The following RIC8B variants were observed in gnomAD, a reference collection of about 807,000 sequenced individuals.
RIC8B encodes chaperone Ric-8B.
Under a neutral mutation model 57.5 loss-of-function variants are expected in RIC8B, and 16 were observed. The ratio of observed to expected loss-of-function variants is 0.28; its 90% CI spans 0.19 to 0.42. The LOEUF (loss-of-function observed/expected upper bound fraction) is 0.42, where lower values mean the gene tolerates loss of function less well. Among genes scored for constraint, RIC8B ranks in the 10% least tolerant of loss-of-function variants. The probability of loss-of-function intolerance (pLI) is 1.00; values close to 1 mark genes in which losing one functional copy is unlikely to be tolerated. For missense variants in RIC8B, 481 were observed against 677.0 expected, an observed-to-expected ratio of 0.71 and a Z score of 3.21; for synonymous variants, 216 against 250.8, an observed-to-expected ratio of 0.86 and a Z score of 1.31.
At chr12:106,774,986 C>G (rs1746936422) in intron 1 of RIC8B, 157 bp downstream of exon 1, 2 of 613,432 alleles carry the variant, frequency 3.3e-6, no homozygotes, top group Non-Finnish European at 5.9e-6. Context: ...TGCCCCCAGC[C>G]TTTTCCATCC....
At chr12:106,792,812 A>T (rs2044315040) in intron 2 of RIC8B, among the ~76,000 whole-genome samples, 1 of 152,108 alleles carries the variant, frequency 6.6e-6, no homozygotes, top group South Asian at 2.1e-4. Flanking sequence ...TCTAAGGAAA[A>T]AAAGCAAGGA....
At position 106,800,280 on chromosome 12, in the gene RIC8B, G is replaced by A. The variant is rs554578916; in HGVS notation, c.133-14416G>A. Among the ~76,000 whole-genome samples the A allele has an allele frequency of 5.3e-5, 8 of 152,262 alleles. No individual in the cohort carries two copies. In the South Asian group the frequency reaches 1.7e-3, roughly 32 times the overall value. On this transcript the variant is annotated intron_variant, in intron 2 of 9. Transcript: ENST00000392837. Reference sequence around the variant, plus strand: ...AGGAAGCAAGGCAGCATCTTTCCGGGGAAGCCTCAGGAAGCTTTTACTCAT... The same window carrying A: ...AGGAAGCAAGGCAGCATCTTTCCGGAGAAGCCTCAGGAAGCTTTTACTCAT...
chr12:106,885,788 C>T lies in RIC8B; in HGVS notation c.1572-116C>T, dbSNP rs1285934843. On this transcript the variant is annotated intron_variant, in intron 9 of 9. Transcript: ENST00000392837. ...CACAGAGAAAGCTCAAGGGAAAATA[C>T]TTTGGTTTTTAAAGACTTTTCTTTT... The T allele has an allele frequency of 4.2e-5, 23 of 554,004 alleles. No individual in the cohort carries two copies. In the South Asian group the frequency reaches 4.8e-4, roughly 12 times the overall value. The allele number at this position is 554,004 out of a possible 1,614,324, so 34.3% of individuals were successfully genotyped here.
At chr12:106,792,030 G>A (rs1252473054) in intron 2 of RIC8B, among the ~76,000 whole-genome samples, 1 of 152,176 alleles carries the variant, frequency 6.6e-6, no homozygotes, top group African/African-American at 2.4e-5. Flanking sequence ...GTCTTTGCTT[G>A]AGGGAATGTT....
intron 4 of RIC8B, among the ~76,000 whole-genome samples, chr12:106,842,326 G>A (rs138228267): frequency 3.9e-5 from 6 of 152,244 alleles, no homozygotes; most frequent in African/African-American, 1.2e-4. Context: ...TCCTATTTTA[G>A]CATTTCAGAA....
At chr12:106,822,325 G>A (rs2045893841) in intron 3 of RIC8B, 1 of 152,148 alleles carries the variant, frequency 6.6e-6, no homozygotes, top group Admixed American at 6.5e-5. Flanking sequence ...GTATAAATTG[G>A]TATAAGTACT....
chr12:106,830,708 A>G (rs1403841483), intron 4 of RIC8B, among the ~76,000 whole-genome samples: 1 of 152,196 alleles, frequency 6.6e-6, no homozygotes, highest in Admixed American at 6.5e-5. Context: ...CTGGAGGAAC[A>G]TGGAGACTAA....
intron 2 of RIC8B, among the ~76,000 whole-genome samples, chr12:106,801,912 G>A (rs2044750671): frequency 6.6e-6 from 1 of 152,110 alleles, no homozygotes; most frequent in Admixed American, 6.5e-5. Flanking sequence ...TGTACCTCTT[G>A]TTCCCCCCTA....
At chr12:106,844,326 C>T (rs1949089313) in intron 6 of RIC8B, among the ~76,000 whole-genome samples, 1 of 152,188 alleles carries the variant, frequency 6.6e-6, no homozygotes, top group African/African-American at 2.4e-5. Context: ...GGGAGGACCT[C>T]TCTGAGATGA....
chr12:106,821,598 C>A (rs902121401), intron 3 of RIC8B, among the ~76,000 whole-genome samples: 2 of 152,032 alleles, frequency 1.3e-5, no homozygotes, highest in African/African-American at 4.8e-5. Context: ...ATTTCTAAAA[C>A]AGGGCAAAAT....
chr12:106,814,893 G>A lies in RIC8B; in HGVS notation c.330G>A (p.Glu110=). 2 of 1,614,160 alleles carry A rather than the reference G, an allele frequency of 1.2e-6. No homozygotes were observed. Among genetic ancestry groups the A allele is most frequent in the Non-Finnish European group, 1.7e-6 (2 of 1,180,000 alleles). The change falls in exon 3 of 10, where the codon GAG becomes GAA. Residue 110 remains glutamate, a synonymous_variant. Transcript: ENST00000392837. ...ELDDSLEKVS[E]FPVIVESLKC... ...ATGATTCTTTGGAGAAAGTATCAGAGTTCCCAGTTATTGTGGAGTCATTAA... is the reference window on the plus strand; with the variant it reads ...ATGATTCTTTGGAGAAAGTATCAGAATTCCCAGTTATTGTGGAGTCATTAA...
rs554857399 is a variant in RIC8B at position 106,796,060 on chromosome 12, T to G, written c.132+12016T>G. On this transcript the variant is annotated intron_variant, in intron 2 of 9. Coordinates refer to ENST00000392837, the MANE Select transcript of RIC8B (RefSeq NM_001330145.2). The stretch of plus-strand genomic sequence containing the variant: ...CATGGATTAGAAGACTTACTATTGC[T>G]AAAATGTCAGTACTCCTCATATTGA... Among the ~76,000 whole-genome samples the G allele has an allele frequency of 8.3e-4, 126 of 152,322 alleles. 1 individual carries two copies. The highest frequency in any genetic ancestry group is 2.8e-3 in the African/African-American group (117 of 41,568).
intron 4 of RIC8B, among the ~76,000 whole-genome samples, chr12:106,829,220 A>G (rs894371953): frequency 6.6e-6 from 1 of 152,234 alleles, no homozygotes; most frequent in Non-Finnish European, 1.5e-5. Context: ...ACTGAAGGAC[A>G]TCCTAATTCT....
chr12:106,830,906 T>C (rs2046326807), intron 4 of RIC8B, among the ~76,000 whole-genome samples: 1 of 152,150 alleles, frequency 6.6e-6, no homozygotes, highest in South Asian at 2.1e-4. Context: ...TCCCAGTAAA[T>C]TAATTATTCA....
At chr12:106,833,877 G>GT (rs954711607) in intron 4 of RIC8B, among the ~76,000 whole-genome samples, 1 of 152,100 alleles carries the variant, frequency 6.6e-6, no homozygotes. Flanking sequence ...TAACAAGTGA[G>GT]TTCTCACTCT....
intron 4 of RIC8B, among the ~76,000 whole-genome samples, chr12:106,840,979 C>A (rs1277073753): frequency 6.6e-6 from 1 of 152,020 alleles, no homozygotes; most frequent in Non-Finnish European, 1.5e-5. Context: ...CTTTTATTCT[C>A]AATGAATCTA....
At chr12:106,861,364 AC>A (rs1307460010) in intron 8 of RIC8B, among the ~76,000 whole-genome samples, 2 of 152,058 alleles carry the variant, frequency 1.3e-5, no homozygotes, top group African/African-American at 4.8e-5. Context: ...TGCCTTGTTG[AC>A]ATGCAAGTAA....
rs1951252400 is a variant in RIC8B, at chr12:106,888,033, T to C, written c.*2018T>C. On this transcript the variant is annotated 3_prime_UTR_variant, in exon 10 of 10. Coordinates refer to ENST00000392837, the MANE Select transcript of RIC8B (RefSeq NM_001330145.2). Reference sequence around the variant, plus strand: ...GATTAAGTGAAAAGTTTAGAAAAAATTTAAGTATTTTTGTTATTCTACAAA... The same window carrying C: ...GATTAAGTGAAAAGTTTAGAAAAAACTTAAGTATTTTTGTTATTCTACAAA... The C allele has an allele frequency of 1.3e-5, 2 of 152,534 alleles. No homozygotes were observed. The highest frequency in any genetic ancestry group is 4.8e-5 in the African/African-American group (2 of 41,420). 9.4% of individuals were successfully genotyped at this position (152,534 alleles called of 1,614,324 possible). A position where few individuals can be genotyped will look rare whatever the true frequency, so the allele number is the denominator to read the frequency against.
At position 106,849,248 on chromosome 12, in the gene RIC8B, T is replaced by C. The variant is rs144069857; in HGVS notation, c.1162-2202T>C. ...CCCCATAAATATATAACCTACTATG[T>C]ACCCACAACAATTAAAAAAATTTTT... On this transcript the variant is annotated intron_variant, in intron 6 of 9. Transcript: ENST00000392837. Among the ~76,000 whole-genome samples, 22 of 152,000 alleles carry C rather than the reference T, an allele frequency of 1.4e-4. No individual in the cohort carries two copies. The East Asian group carries it at 3.9e-3, about 27-fold the overall frequency.
Sources: allele counts gnomAD v4.1 joint callset (sites outside exome capture counted in the v4.1 genomes callset), GRCh38; gene constraint gnomAD v4.1.1; transcripts MANE v1.5; gene names NCBI Gene and HGNC (gene_info 2026-07-23, HGNC 2026-07-21).